GLTP: variants seen among roughly 807,000 people sequenced by gnomAD.
The protein encoded by GLTP is glycolipid transfer protein.
GLTP carries 22 observed loss-of-function variants against 24.0 expected under a neutral mutation model. The observed-to-expected ratio is 0.92, with a 90% CI of 0.65 to 1.31. The LOEUF (loss-of-function observed/expected upper bound fraction) is 1.31. Among genes scored for constraint, GLTP ranks in the 50% most tolerant of loss-of-function variants. The pLI is 0.00. For synonymous variants in GLTP, 92 were observed against 115.9 expected (o/e 0.79, Z 1.33); for missense variants, 224 against 276.6 (o/e 0.81, Z 1.35).
rs1400075796 is a variant in GLTP, at chr12:109,854,942, G to A, written c.447+677C>T. 3.3e-5 allele frequency among the ~76,000 whole-genome samples: 5 copies of A among 152,256 alleles called. No individual in the cohort carries two copies. The East Asian group carries it at 9.6e-4, about 29-fold the overall frequency. ...GCCCCTCGTTCTCATGGCCGCCAGG[G>A]TGGGCAGGCAGAGGGAGCTGCAGCA... On this transcript the variant is annotated intron_variant, in intron 4 of 4. Coordinates refer to ENST00000318348, the MANE Select transcript of GLTP (RefSeq NM_016433.4).
chr12:109,880,397 A>C lies in GLTP; in HGVS notation c.-23T>G. 1 of 1,287,300 alleles carries C rather than the reference A, an allele frequency of 7.8e-7. No homozygotes were observed. The highest frequency in any genetic ancestry group is 1.0e-6 in the Non-Finnish European group (1 of 956,150). The allele number at this position is 1,287,300 out of a possible 1,614,324, so 79.7% of individuals were successfully genotyped here. A position where few individuals can be genotyped will look rare whatever the true frequency, so the allele number is the denominator to read the frequency against. On this transcript the variant is annotated 5_prime_UTR_variant, in exon 1 of 5. Coordinates refer to ENST00000318348, the MANE Select transcript of GLTP (RefSeq NM_016433.4). This position sits in a 1 kb window ranked among gnomAD's most constrained non-coding sequence, Gnocchi z 5.1. ...CATTTCGGGGTCGAGGCCCGCGGTGATGCCCCAGCCGGCGCCGCGGGCGTC... is the reference window on the plus strand; with the variant it reads ...CATTTCGGGGTCGAGGCCCGCGGTGCTGCCCCAGCCGGCGCCGCGGGCGTC...
chr12:109,877,387 G>A (rs993036234), intron 1 of GLTP, among the ~76,000 whole-genome samples: 1 of 152,132 alleles, frequency 6.6e-6, no homozygotes, highest in African/African-American at 2.4e-5. Context: ...CTTCCTTGCA[G>A]AATTAAATAC....
chr12:109,876,507 GAAGA>G (rs1488435304), intron 1 of GLTP, among the ~76,000 whole-genome samples: 3 of 150,586 alleles, frequency 2.0e-5, no homozygotes, highest in Non-Finnish European at 4.4e-5. Flanking sequence ...GAAAAACAGA[GAAGA>G]AAGAAAGAGG....
Position 109,858,714 on chromosome 12 carries a change from G to C in GLTP, c.131C>G (p.Pro44Arg), listed in dbSNP as rs2047622684. 1 of 1,612,422 alleles carries C rather than the reference G, an allele frequency of 6.2e-7. No individual in the cohort carries two copies. The highest frequency in any genetic ancestry group is 8.5e-7 in the Non-Finnish European group (1 of 1,178,614). Residue 44 changes from proline (P) to arginine (R), a missense_variant, in exon 2 of 5, where the codon CCC becomes CGC. Physicochemically the swap from Pro to Arg is moderately radical, Grantham distance 103. Transcript: ENST00000318348. Reference sequence around the variant, plus strand: ...GTTGCCGCTTATGTCTGCCTTGATGGGAGTAAACACTGGGGACCCAAGGCA... The same window carrying C: ...GTTGCCGCTTATGTCTGCCTTGATGCGAGTAAACACTGGGGACCCAAGGCA... The part of the protein sequence containing the change: ...FDCLGSPVFT[P>R]IKADISGNIT...
intron 1 of GLTP, among the ~76,000 whole-genome samples, chr12:109,864,374 C>T (rs997506669): frequency 6.6e-6 from 1 of 152,172 alleles, no homozygotes; most frequent in Admixed American, 6.5e-5. Context: ...GGCAGTGGCA[C>T]TGAAGCAGTG....
In GLTP at chr12:109,857,043, GA is replaced by G. The variant is rs991920984; in HGVS notation, c.296+482del. 6.6e-6 allele frequency among the ~76,000 whole-genome samples: 1 copy of G among 152,132 alleles called. No homozygotes were observed. Among genetic ancestry groups the G allele is most frequent in the African/African-American group, 2.4e-5 (1 of 41,434 alleles). On this transcript the variant is annotated intron_variant, in intron 3 of 4. Transcript: ENST00000318348. The surrounding 1 kb of genome is among the most constrained non-coding windows in gnomAD (Gnocchi z 4.3). ...AACGGGATTCTAAAAATAAAAAATA[GA>G]AGAATTCCTTCTCCTCAAGATGGTG...
At chr12:109,866,070 C>CTAA (rs1868519217) in intron 1 of GLTP, 1 of 152,054 alleles carries the variant, frequency 6.6e-6, no homozygotes. Flanking sequence ...GCTAATATCC[C>CTAA]TAATATGTAA....
At chr12:109,858,576 T>C in intron 2 of GLTP, 107 bp downstream of exon 2, 1 of 816,518 alleles carries the variant, frequency 1.2e-6, no homozygotes, top group South Asian at 1.4e-5. Flanking sequence ...CTCCATTCCC[T>C]TCCTTGGGGT....
intron 1 of GLTP, among the ~76,000 whole-genome samples, chr12:109,867,918 C>T (rs957096199): frequency 1.3e-5 from 2 of 152,000 alleles, no homozygotes; most frequent in Non-Finnish European, 2.9e-5. Context: ...GCTGGGACTA[C>T]AGGTGCCCGC....
rs191261589 is a variant in GLTP at position 109,860,104 on chromosome 12, G to A, written c.104-1363C>T. 7.8e-3 allele frequency: 1,193 copies of A among 152,094 alleles called. 6 individuals carry two copies. The highest frequency in any genetic ancestry group is 0.013 in the Middle Eastern group (4 of 298). 9.4% of individuals were successfully genotyped at this position (152,094 alleles called of 1,614,324 possible). ...AGCGATTCTCCTGCCTCAGCCTCCC[G>A]AGTAGCTGAGATTACAGGCACACGC... On this transcript the variant is annotated intron_variant, in intron 1 of 4. Coordinates refer to ENST00000318348, the MANE Select transcript of GLTP (RefSeq NM_016433.4).
chr12:109,862,030 C>T (rs1045255122), intron 1 of GLTP, among the ~76,000 whole-genome samples: 2 of 152,296 alleles, frequency 1.3e-5, no homozygotes, highest in East Asian at 1.9e-4. Context: ...GGCATGCTGT[C>T]GTCATGCTAG....
intron 1 of GLTP, among the ~76,000 whole-genome samples, chr12:109,867,321 T>G (rs1022886505): frequency 1.3e-5 from 2 of 151,920 alleles, no homozygotes; most frequent in African/African-American, 4.8e-5. Flanking sequence ...GCCAATTTTT[T>G]GTATTTTAGT....
At chr12:109,879,181 A>G (rs1462225155) in intron 1 of GLTP, among the ~76,000 whole-genome samples, 1 of 152,148 alleles carries the variant, frequency 6.6e-6, no homozygotes, top group Non-Finnish European at 1.5e-5. Context: ...TTGCCCACTA[A>G]GTCGGACTGT....
At chr12:109,868,601 C>A (rs1388674718) in intron 1 of GLTP, among the ~76,000 whole-genome samples, 1 of 152,214 alleles carries the variant, frequency 6.6e-6, no homozygotes, top group East Asian at 1.9e-4. Flanking sequence ...TGATTCAGGA[C>A]AGAACACACC....
chr12:109,859,257 C>T (rs1008896351), intron 1 of GLTP, among the ~76,000 whole-genome samples: 1 of 152,208 alleles, frequency 6.6e-6, no homozygotes, highest in African/African-American at 2.4e-5. Flanking sequence ...CAGTGGCTCA[C>T]GCCTGTAATC....
In GLTP at chr12:109,874,453, T is replaced by A. The variant is rs143073537; in HGVS notation, c.103+5819A>T. Reference sequence around the variant, plus strand: ...AGGCCACATTCCACAGACATCCATTTAATTAAGGTAAGAGGCATGAAGAAA... The same window carrying A: ...AGGCCACATTCCACAGACATCCATTAAATTAAGGTAAGAGGCATGAAGAAA... On this transcript the variant is annotated intron_variant, in intron 1 of 4. Transcript: ENST00000318348. Among the ~76,000 whole-genome samples the A allele has an allele frequency of 2.6e-5, 4 of 152,302 alleles. No homozygotes were observed. In the East Asian group the frequency reaches 7.7e-4, roughly 29 times the overall value.
Position 109,852,501 on chromosome 12 carries a change from T to C in GLTP, c.*54A>G, listed in dbSNP as rs1892738435. On this transcript the variant is annotated 3_prime_UTR_variant, in exon 5 of 5. Coordinates refer to ENST00000318348, the MANE Select transcript of GLTP (RefSeq NM_016433.4). ...GACTTGATTCACAGTGATTCTGGTTTGCCTGTTTCTCCATGTGGCCACGAG... is the reference window on the plus strand; with the variant it reads ...GACTTGATTCACAGTGATTCTGGTTCGCCTGTTTCTCCATGTGGCCACGAG... The C allele has an allele frequency of 6.2e-6, 7 of 1,124,194 alleles. No individual in the cohort carries two copies. The highest frequency in any genetic ancestry group is 2.9e-4 in the Middle Eastern group (1 of 3,444). 69.6% of individuals were successfully genotyped at this position (1,124,194 alleles called of 1,614,324 possible). A position where few individuals can be genotyped will look rare whatever the true frequency, so the allele number is the denominator to read the frequency against.
rs562485336 is a variant in GLTP at position 109,864,962 on chromosome 12, C to G, written c.104-6221G>C. 2.4e-4 allele frequency among the ~76,000 whole-genome samples: 37 copies of G among 152,314 alleles called. 1 individual carries two copies. In the South Asian group the frequency reaches 7.7e-3, roughly 32 times the overall value. On this transcript the variant is annotated intron_variant, in intron 1 of 4. Coordinates refer to ENST00000318348, the MANE Select transcript of GLTP (RefSeq NM_016433.4). ...CTCCCGGGTTCAAGTGATTCTCCTGCCTCAGCTCCCCAGAAGCTGGGATTA... is the reference window on the plus strand; with the variant it reads ...CTCCCGGGTTCAAGTGATTCTCCTGGCTCAGCTCCCCAGAAGCTGGGATTA...
intron 1 of GLTP, among the ~76,000 whole-genome samples, chr12:109,879,446 G>C (rs1488098215): frequency 6.6e-6 from 1 of 152,170 alleles, no homozygotes; most frequent in South Asian, 2.1e-4. Flanking sequence ...AAGAGGGTCT[G>C]AAAGTGGACC....
Sources: gnomAD v4.1 joint callset for allele counts (sites outside exome capture counted in the v4.1 genomes callset) on GRCh38, gnomAD v4.1.1 for gene constraint, Gnocchi (gnomAD v3.1) non-coding constraint, MANE v1.5 for transcripts, NCBI Gene and HGNC (gene_info 2026-07-23, HGNC 2026-07-21) for gene names.